The following RBFOX1 variants were observed in gnomAD, a reference collection of about 807,000 sequenced individuals.
RBFOX1 encodes the protein RNA binding protein fox-1 homolog 1.
RBFOX1 carries 8 observed loss-of-function variants against 57.7 expected under a neutral mutation model. The observed-to-expected ratio is 0.14, with a 90% CI of 0.08 to 0.25. RBFOX1 has a LOEUF of 0.25. Among genes scored for constraint, RBFOX1 ranks in the 10% least tolerant of loss-of-function variants. The pLI is 1.00. For missense variants in RBFOX1, 611 were observed against 548.5 expected (o/e 1.11, Z -1.14); for synonymous variants, 326 against 222.4 (o/e 1.47, Z -4.15).
At chr16:6,199,841 C>G (rs2097203916) in intron 1 of RBFOX1, among the ~76,000 whole-genome samples, 1 of 152,122 alleles carries the variant, frequency 6.6e-6, no homozygotes, top group Non-Finnish European at 1.5e-5. Flanking sequence ...TCTGCCAACA[C>G]TCTCAGCCAC....
At chr16:6,188,237 G>A (rs1009194630) in intron 1 of RBFOX1, among the ~76,000 whole-genome samples, 3 of 151,924 alleles carry the variant, frequency 2.0e-5, no homozygotes, top group African/African-American at 7.3e-5. Flanking sequence ...AATAGTTTAC[G>A]TCTACCCACA....
chr16:6,227,089 A>G (rs554445609), intron 1 of RBFOX1, among the ~76,000 whole-genome samples: 1 of 151,578 alleles, frequency 6.6e-6, no homozygotes, highest in Non-Finnish European at 1.5e-5. Flanking sequence ...GTGCCACTGA[A>G]CTCCAGCGTA....
intron 1 of RBFOX1, among the ~76,000 whole-genome samples, chr16:6,072,422 G>C (rs975957085): frequency 2.6e-5 from 4 of 152,148 alleles, no homozygotes; most frequent in African/African-American, 9.7e-5. Context: ...TAGGAGTGCA[G>C]ATATTTCTTT....
rs532321330 is a variant in RBFOX1, at chr16:6,001,928, A to C, written c.351+134593A>C. Among the ~76,000 whole-genome samples the C allele has an allele frequency of 4.0e-5, 6 of 151,684 alleles. No individual in the cohort carries two copies. The East Asian group carries it at 9.7e-4, about 25-fold the overall frequency. ...CTCCCATGATTACTGTAGGGCTAGA[A>C]ATTTTCCCTTCAAACATGAATAATC... On this transcript the variant is annotated intron_variant, in intron 4 of 19. Transcript: ENST00000641259.
intron 3 of RBFOX1, among the ~76,000 whole-genome samples, chr16:6,802,544 G>T (rs566598734): frequency 2.0e-5 from 3 of 152,220 alleles, no homozygotes; most frequent in South Asian, 2.1e-4. Context: ...GGGCATGGTG[G>T]TGCACACCTG....
At chr16:5,350,584 C>T (rs189267000) in intron 1 of RBFOX1, among the ~76,000 whole-genome samples, 14 of 152,232 alleles carry the variant, frequency 9.2e-5, no homozygotes, top group Admixed American at 2.6e-4. Flanking sequence ...GCACACTGCA[C>T]GCTGGGCACA....
intron 4 of RBFOX1, among the ~76,000 whole-genome samples, chr16:7,330,226 A>G (rs115016817): frequency 1.3e-4 from 20 of 152,190 alleles, no homozygotes; most frequent in African/African-American, 4.8e-4. Flanking sequence ...TAGGATTTGC[A>G]TATAACCTAT....
chr16:6,064,896 T>C (rs1245622144), intron 1 of RBFOX1, among the ~76,000 whole-genome samples: 1 of 152,068 alleles, frequency 6.6e-6, no homozygotes, highest in African/African-American at 2.4e-5. Flanking sequence ...TGTAGAAACA[T>C]TTCAGATCTC....
chr16:7,454,612 G>A (rs927890984), intron 4 of RBFOX1, among the ~76,000 whole-genome samples: 2 of 152,204 alleles, frequency 1.3e-5, no homozygotes, highest in African/African-American at 2.4e-5. Flanking sequence ...ACAAAGATGT[G>A]TGGTATCAAC....
At chr16:6,478,429 A>ATTTTTTTTTTT (rs58352204) in intron 2 of RBFOX1, among the ~76,000 whole-genome samples, 8 of 24,606 alleles carry the variant, frequency 3.3e-4, no homozygotes, top group East Asian at 2.6e-3. Flanking sequence ...ATATATATAT[A>ATTTTTTTTTTT]TTTTTTTTTT....
chr16:6,058,008 C>T (rs571421146), intron 1 of RBFOX1, among the ~76,000 whole-genome samples: 2 of 152,000 alleles, frequency 1.3e-5, no homozygotes, highest in African/African-American at 2.4e-5. Flanking sequence ...AAAGGCCTGA[C>T]CCGGGTTCTT....
intron 4 of RBFOX1, among the ~76,000 whole-genome samples, chr16:7,322,210 G>C (rs2096554654): frequency 6.6e-6 from 1 of 152,222 alleles, no homozygotes; most frequent in African/African-American, 2.4e-5. Context: ...CTAGTTATCG[G>C]ACAAGGGAAT....
At chr16:7,495,475 G>C (rs1188770556) in intron 4 of RBFOX1, among the ~76,000 whole-genome samples, 2 of 152,192 alleles carry the variant, frequency 1.3e-5, no homozygotes, top group African/African-American at 4.8e-5. Flanking sequence ...AGCCTCACCA[G>C]CATCTATTGT....
At chr16:5,903,040 T>A (rs2058346116) in intron 4 of RBFOX1, among the ~76,000 whole-genome samples, 1 of 152,170 alleles carries the variant, frequency 6.6e-6, no homozygotes, top group Non-Finnish European at 1.5e-5. Context: ...GTTAGGCTCC[T>A]AGCCTTTTCT....
intron 4 of RBFOX1, among the ~76,000 whole-genome samples, chr16:7,234,740 AC>A (rs1486481369): frequency 4.6e-5 from 7 of 151,198 alleles, no homozygotes; most frequent in African/African-American, 1.7e-4. Flanking sequence ...CCTTGTAAAT[AC>A]CCTGTGCTGA....
chr16:6,430,129 GA>G (rs2094037248), intron 2 of RBFOX1, among the ~76,000 whole-genome samples: 1 of 146,806 alleles, frequency 6.8e-6, no homozygotes, highest in Non-Finnish European at 1.5e-5. Flanking sequence ...AAAAAAAACA[GA>G]AAAACAAACA....
chr16:7,219,653 G>T (rs1487949323), intron 4 of RBFOX1, among the ~76,000 whole-genome samples: 1 of 152,168 alleles, frequency 6.6e-6, no homozygotes, highest in Non-Finnish European at 1.5e-5. Context: ...GTCAAACTCG[G>T]AGTAAAACTG....
chr16:5,869,139 C>G (rs551529138), intron 4 of RBFOX1, among the ~76,000 whole-genome samples: 2 of 152,168 alleles, frequency 1.3e-5, no homozygotes, highest in African/African-American at 4.8e-5. Context: ...CCATGTAACC[C>G]ACCCAGATTA....
chr16:5,749,473 T>C (rs560962567), intron 3 of RBFOX1, among the ~76,000 whole-genome samples: 2 of 152,292 alleles, frequency 1.3e-5, no homozygotes, highest in African/African-American at 4.8e-5. Context: ...TCCAACTTGG[T>C]GCCATTCTCC....
Sources: gnomAD v4.1 joint callset for allele counts (sites outside exome capture counted in the v4.1 genomes callset) on GRCh38, gnomAD v4.1.1 for gene constraint, MANE v1.5 for transcripts, NCBI Gene and HGNC (gene_info 2026-07-23, HGNC 2026-07-21) for gene names.